Variants in CPAMD8 observed in about 807,000 individuals in gnomAD.
CPAMD8 encodes the protein C3 and PZP-like alpha-2-macroglobulin domain-containing protein 8.
In CPAMD8, 146 loss-of-function variants were observed where a neutral mutation model predicts 224.7. That is an observed-to-expected ratio of 0.65 (90% CI 0.57 to 0.75). The LOEUF is 0.75. Ranked by LOEUF, CPAMD8 falls within the 30% of genes least tolerant of loss-of-function variation. CPAMD8 has a pLI of 0.00. For missense variants in CPAMD8, 2,301 were observed against 2,537.5 expected (o/e 0.91, Z 2.00); for synonymous variants, 966 against 1,044.6 (o/e 0.92, Z 1.45).
chr19:16,996,315 G>A (rs1399774431), intron 11 of CPAMD8, among the ~76,000 whole-genome samples: 1 of 152,066 alleles, frequency 6.6e-6, no homozygotes, highest in Admixed American at 6.6e-5. Flanking sequence ...TCCAGCCTGG[G>A]CGACAGAACA....
chr19:16,923,826 C>A (rs181349834), intron 26 of CPAMD8, among the ~76,000 whole-genome samples: 1 of 152,204 alleles, frequency 6.6e-6, no homozygotes, highest in African/African-American at 2.4e-5. Flanking sequence ...CATGGTGGTG[C>A]ACACCTGTAG....
intron 29 of CPAMD8, among the ~76,000 whole-genome samples, chr19:16,913,557 G>C (rs1292004007): frequency 6.6e-6 from 1 of 152,022 alleles, no homozygotes; most frequent in Non-Finnish European, 1.5e-5. Context: ...CCATCCTCTA[G>C]AACTGTGCAA....
intron 7 of CPAMD8, among the ~76,000 whole-genome samples, chr19:17,008,301 T>A (rs2056548578): frequency 6.6e-6 from 1 of 152,180 alleles, no homozygotes; most frequent in Non-Finnish European, 1.5e-5. Flanking sequence ...GGGAAGGTGC[T>A]GTGGGCTGGG....
At chr19:16,986,176 C>G (rs1186893786) in intron 13 of CPAMD8, among the ~76,000 whole-genome samples, 3 of 152,120 alleles carry the variant, frequency 2.0e-5, no homozygotes, top group Non-Finnish European at 4.4e-5. Flanking sequence ...CCAGTTCCCC[C>G]CTGCCGGGGC....
At chr19:16,905,632 C>G (rs2052448456) in intron 30 of CPAMD8, among the ~76,000 whole-genome samples, 1 of 150,342 alleles carries the variant, frequency 6.7e-6, no homozygotes, top group Non-Finnish European at 1.5e-5. Context: ...TGTAAAGACT[C>G]TCAAATCCAG....
At chr19:16,939,549 G>A (rs1334770050) in intron 22 of CPAMD8, among the ~76,000 whole-genome samples, 2 of 152,096 alleles carry the variant, frequency 1.3e-5, no homozygotes, top group Non-Finnish European at 2.9e-5. Context: ...CTGGGCTCCA[G>A]GATGCCCAGG....
intron 23 of CPAMD8, among the ~76,000 whole-genome samples, chr19:16,936,514 T>C (rs1472169883): frequency 6.6e-6 from 1 of 151,918 alleles, no homozygotes; most frequent in Non-Finnish European, 1.5e-5. Context: ...GCTATTCTCA[T>C]GCCTCAGCCT....
intron 2 of CPAMD8, among the ~76,000 whole-genome samples, chr19:17,021,160 T>C (rs2056944482): frequency 6.6e-6 from 1 of 152,192 alleles, no homozygotes; most frequent in African/African-American, 2.4e-5. Flanking sequence ...AGACTGGTGC[T>C]TCCCCTGATC....
At chr19:16,977,678 A>T (rs1219051705) in intron 14 of CPAMD8, 138 bp from the exon 15 acceptor site, 1 of 617,654 alleles carries the variant, frequency 1.6e-6, no homozygotes, top group East Asian at 3.0e-5. Flanking sequence ...TTTGGTTTTG[A>T]GATGCCCTTC....
chr19:17,021,279 T>G (rs181200629), intron 2 of CPAMD8, among the ~76,000 whole-genome samples: 10 of 152,270 alleles, frequency 6.6e-5, no homozygotes, highest in African/African-American at 2.2e-4. Context: ...AGAAGCCAAC[T>G]GGGTTGGGTT....
chr19:17,026,503 C>T, intron 1 of CPAMD8, 48 bp downstream of exon 1: 1 of 1,449,298 alleles, frequency 6.9e-7, no homozygotes, highest in Non-Finnish European at 9.0e-7. Flanking sequence ...ACCCGCGACC[C>T]CCACCCCAGA....
chr19:16,999,327 T>A (rs2123007088), intron 10 of CPAMD8, among the ~76,000 whole-genome samples: 1 of 152,118 alleles, frequency 6.6e-6, no homozygotes, highest in African/African-American at 2.4e-5. Flanking sequence ...ACGCCTGTAA[T>A]CCCAGCACTT....
intron 2 of CPAMD8, 95 bp from the exon 3 acceptor site, chr19:17,020,448 C>A: frequency 1.1e-6 from 1 of 908,178 alleles, no homozygotes; most frequent in Non-Finnish European, 1.8e-6. Flanking sequence ...CTTTCTTAAC[C>A]CAAAGGGGTT....
chr19:17,015,058 A>C (rs2123188595), intron 3 of CPAMD8, among the ~76,000 whole-genome samples: 1 of 152,306 alleles, frequency 6.6e-6, no homozygotes, highest in East Asian at 1.9e-4. Flanking sequence ...CCTGGCCAAC[A>C]TGGCGAAGCC....
At chr19:16,929,514 G>T (rs528325859) in intron 23 of CPAMD8, among the ~76,000 whole-genome samples, 1 of 152,224 alleles carries the variant, frequency 6.6e-6, no homozygotes, top group South Asian at 2.1e-4. Context: ...AGACCAGCCT[G>T]GGCAACATAG....
chr19:16,971,657 A>G lies in CPAMD8; in HGVS notation c.2071-624T>C, dbSNP rs2055067385. Among the ~76,000 whole-genome samples the G allele has an allele frequency of 2.0e-5, 3 of 152,086 alleles. No individual in the cohort carries two copies. The South Asian group carries it at 6.2e-4, about 32-fold the overall frequency. On this transcript the variant is annotated intron_variant, in intron 17 of 41. Transcript: ENST00000443236. ...TTTTGGGGGATGAAAATGGTCTGGAATTAAGTAGGGGTGGTGGTTGCACAG... is the reference window on the plus strand; with the variant it reads ...TTTTGGGGGATGAAAATGGTCTGGAGTTAAGTAGGGGTGGTGGTTGCACAG...
At position 16,997,473 on chromosome 19, in the gene CPAMD8, A is replaced by G. The variant is rs12982311; in HGVS notation, c.868-135T>C. 0.21 allele frequency: 135,541 copies of G among 656,982 alleles called. 15,947 individuals carry two copies. The highest frequency in any genetic ancestry group is 0.4 in the African/African-American group (22,696 of 56,168). The allele number at this position is 656,982 out of a possible 1,614,324, so 40.7% of individuals were successfully genotyped here. A position where few individuals can be genotyped will look rare whatever the true frequency, so the allele number is the denominator to read the frequency against. On this transcript the variant is annotated intron_variant, in intron 10 of 41. Coordinates refer to ENST00000443236, the MANE Select transcript of CPAMD8 (RefSeq NM_015692.5). ...CAGGGGTCACTTGGTGGCATACCCA[A>G]TCTATGCCACGGGACCATGCAGAGG... is the stretch of plus-strand genomic sequence containing the variant.
chr19:17,014,373 T>C (rs2123181606), intron 3 of CPAMD8, among the ~76,000 whole-genome samples: 1 of 152,122 alleles, frequency 6.6e-6, no homozygotes, highest in East Asian at 1.9e-4. Flanking sequence ...TCTTATTTTT[T>C]TTTAAGCAGA....
In CPAMD8 at chr19:16,921,355, AG is replaced by A. The variant is rs550781380; in HGVS notation, c.3629+549del. Among the ~76,000 whole-genome samples the A allele has an allele frequency of 8.5e-5, 13 of 152,168 alleles. No individual in the cohort carries two copies. The East Asian group carries it at 2.5e-3, about 29-fold the overall frequency. ...GAGTTGGAAAGTGACTCACAGTCTC[AG>A]GTGAACCCCATGATGATGCCAAGAA... On this transcript the variant is annotated intron_variant, in intron 27 of 41. Coordinates refer to ENST00000443236, the MANE Select transcript of CPAMD8 (RefSeq NM_015692.5).
Sources: gnomAD v4.1 joint callset for allele counts (sites outside exome capture counted in the v4.1 genomes callset) on GRCh38, gnomAD v4.1.1 for gene constraint, MANE v1.5 for transcripts, NCBI Gene and HGNC (gene_info 2026-07-23, HGNC 2026-07-21) for gene names.